PHF3: variants seen among roughly 807,000 people sequenced by gnomAD.
PHF3 encodes the protein PHD finger protein 3.
A neutral mutation model predicts 178.4 loss-of-function variants in PHF3; 41 were observed. That is an observed-to-expected ratio of 0.23 (90% CI 0.18 to 0.30). The LOEUF is 0.30. Among genes scored for constraint, PHF3 ranks in the 10% least tolerant of loss-of-function variants. The pLI, the probability that PHF3 is intolerant of heterozygous loss-of-function variation, is 1.00. For missense variants in PHF3, 2,346 were observed against 2,398.1 expected, an observed-to-expected ratio of 0.98 and a Z score of 0.45; for synonymous variants, 842 against 800.5, an observed-to-expected ratio of 1.05 and a Z score of -0.88.
intron 14 of PHF3, among the ~76,000 whole-genome samples, chr6:63,710,509 A>C (rs1767879450): frequency 6.6e-6 from 1 of 152,188 alleles, no homozygotes; most frequent in South Asian, 2.1e-4. Flanking sequence ...TCATGAAAAA[A>C]AACATTGTTG....
chr6:63,692,003 T>C lies in PHF3; in HGVS notation c.2456T>C (p.Ile819Thr), dbSNP rs757153886. The C allele has an allele frequency of 2.5e-6, 4 of 1,612,756 alleles. No individual in the cohort carries two copies. The highest frequency in any genetic ancestry group is 1.3e-5 in the African/African-American group (1 of 74,788). ...ACAACAAATGATAGAACCAAATATATAGATGATACAGTGAAGCACAAGGTC... is the reference window on the plus strand; with the variant it reads ...ACAACAAATGATAGAACCAAATATACAGATGATACAGTGAAGCACAAGGTC... ...KHTTNDRTKY[I>T]DDTVKHKVKI... The change falls in exon 5 of 16, where the codon ATA becomes ACA. Residue 819 changes from isoleucine to threonine, a missense_variant. Around this residue, in one of 8 missense-constraint regions of PHF3, gnomAD observed 252 missense variants for 232.0 expected, o/e 1.09. Transcript: ENST00000262043.
chr6:63,709,913 A>T (rs1041529964), intron 14 of PHF3, among the ~76,000 whole-genome samples: 13 of 152,018 alleles, frequency 8.6e-5, no homozygotes, highest in Non-Finnish European at 4.4e-5. Flanking sequence ...TTCTCTCTAC[A>T]TTTTCTTTTC....
At chr6:63,661,241 T>G (rs1765453799) in intron 2 of PHF3, among the ~76,000 whole-genome samples, 1 of 152,184 alleles carries the variant, frequency 6.6e-6, no homozygotes, top group Non-Finnish European at 1.5e-5. Context: ...ATGTATGTTA[T>G]TCATACCGGC....
At chr6:63,693,096 G>A (rs781303248) in intron 5 of PHF3, among the ~76,000 whole-genome samples, 14 of 152,076 alleles carry the variant, frequency 9.2e-5, no homozygotes, top group African/African-American at 2.2e-4. Flanking sequence ...CTTCTGATAC[G>A]TGTTATTACT....
chr6:63,706,631 G>A, intron 12 of PHF3, 98 bp from the exon 13 acceptor site: 1 of 944,108 alleles, frequency 1.1e-6, no homozygotes, highest in Non-Finnish European at 1.6e-6. Context: ...CTCATATTTT[G>A]GCCTTCTTCA....
rs116113765 is a variant in PHF3, at chr6:63,680,295, T to C, written c.406+134T>C. On this transcript the variant is annotated intron_variant, in intron 3 of 15. Transcript: ENST00000262043. ...CATTCGTTTTGATGGCAATCAGTTT[T>C]GAGATCATATCAATTTGTTGTATAA... 1,757 of 704,994 alleles carry C rather than the reference T, an allele frequency of 2.5e-3. 29 individuals are homozygous for C. In the African/African-American group the frequency reaches 0.03, roughly 12 times the overall value. The allele number at this position is 704,994 out of a possible 1,614,324, so 43.7% of individuals were successfully genotyped here. A position where few individuals can be genotyped will look rare whatever the true frequency, so the allele number is the denominator to read the frequency against.
At chr6:63,686,851 G>A (rs1250271300) in intron 4 of PHF3, among the ~76,000 whole-genome samples, 4 of 152,194 alleles carry the variant, frequency 2.6e-5, no homozygotes, top group Non-Finnish European at 5.9e-5. Flanking sequence ...AAGCTCTTTA[G>A]GGAGGGACAA....
chr6:63,682,600 A>G (rs1204874102), intron 3 of PHF3, among the ~76,000 whole-genome samples: 1 of 152,134 alleles, frequency 6.6e-6, no homozygotes, highest in African/African-American at 2.4e-5. Flanking sequence ...TACATTTTCA[A>G]AATCAGTTAT....
In PHF3 at chr6:63,685,711, G is replaced by A; in HGVS notation, c.1989G>A (p.Leu663=). ...TTAAGGAAGAGGATAAACTGAAACT[G>A]AAAAAACCTGAGAAGAACCTACAAC... ...EHFKEEDKLK[L]KKPEKNLQPR... is the part of the protein sequence containing the mutation. Residue 663 remains leucine (L), a synonymous_variant, in exon 4 of 16, where the codon CTG becomes CTA. Coordinates refer to ENST00000262043, the MANE Select transcript of PHF3 (RefSeq NM_001370348.2). The A allele has an allele frequency of 6.2e-7, 1 of 1,614,012 alleles. No homozygotes were observed.
At chr6:63,647,977 A>G (rs1582000277) in intron 2 of PHF3, among the ~76,000 whole-genome samples, 3 of 152,044 alleles carry the variant, frequency 2.0e-5, no homozygotes, top group South Asian at 4.1e-4. Flanking sequence ...AACATTTTCT[A>G]TGTATATTTT....
Position 63,720,709 on chromosome 6 carries a change from A to C in PHF3, c.*7001A>C. 1 of 1,548,758 alleles carries C rather than the reference A, an allele frequency of 6.5e-7. No homozygotes were observed. Among genetic ancestry groups the C allele is most frequent in the Non-Finnish European group, 8.7e-7 (1 of 1,145,862 alleles). ...ACAACATCTTTAATTTTGCCAACAAAATTGGTTTTAAAAATCTCTTGAGTA... is the reference window on the plus strand; with the variant it reads ...ACAACATCTTTAATTTTGCCAACAACATTGGTTTTAAAAATCTCTTGAGTA... On this transcript the variant is annotated 3_prime_UTR_variant, in exon 16 of 16. Transcript: ENST00000262043.
At position 63,718,352 on chromosome 6, in the gene PHF3, ACT is replaced by A. The variant is rs535592810; in HGVS notation, c.*4647_*4648del. The stretch of plus-strand genomic sequence containing the variant: ...AACTTTTGTTTTCAAGACCCCTTAC[ACT>A]CTTAAAAATTGAGAATGTCAAAGCT... On this transcript the variant is annotated 3_prime_UTR_variant, in exon 16 of 16. Coordinates refer to ENST00000262043, the MANE Select transcript of PHF3 (RefSeq NM_001370348.2). Among the ~76,000 whole-genome samples, 52 of 152,024 alleles carry A rather than the reference ACT, an allele frequency of 3.4e-4. No homozygotes were observed. The South Asian group carries it at 5.8e-3, about 17-fold the overall frequency.
chr6:63,721,701 G>A lies in PHF3; in HGVS notation c.*7993G>A. ...TATATGCCAAGTACTTCCGTTTATA[G>A]TTACTTTTTGGAGAGTTTCTAGAAT... is the stretch of plus-strand genomic sequence containing the variant. On this transcript the variant is annotated 3_prime_UTR_variant, in exon 16 of 16. Transcript: ENST00000262043. 6.4e-7 allele frequency: 1 copy of A among 1,551,282 alleles called. No homozygotes were observed. The highest frequency in any genetic ancestry group is 8.7e-7 in the Non-Finnish European group (1 of 1,146,674).
At chr6:63,636,211 T>G (rs1474198800) in intron 1 of PHF3, 61 bp downstream of exon 1, 3 of 350,972 alleles carry the variant, frequency 8.5e-6, no homozygotes, top group Admixed American at 4.7e-5. Flanking sequence ...CCCATCCCCT[T>G]CCACACGCAC....
intron 14 of PHF3, 133 bp downstream of exon 14, chr6:63,709,373 C>T (rs1301735357): frequency 3.1e-6 from 2 of 648,284 alleles, no homozygotes; most frequent in African/African-American, 1.9e-5. Flanking sequence ...TGTAATATAC[C>T]TCACAAAACT....
Position 63,714,737 on chromosome 6 carries a change from A to G in PHF3, c.*1029A>G, listed in dbSNP as rs1174688207. 7 of 152,092 alleles carry G rather than the reference A, an allele frequency of 4.6e-5. No individual in the cohort carries two copies. The highest frequency in any genetic ancestry group is 1.0e-4 in the Non-Finnish European group (7 of 67,968). 9.4% of individuals were successfully genotyped at this position (152,092 alleles called of 1,614,324 possible). A position where few individuals can be genotyped will look rare whatever the true frequency, so the allele number is the denominator to read the frequency against. The stretch of plus-strand genomic sequence containing the variant: ...TTTCTGAAAACTTTTACACCATCGC[A>G]ATTTGGTACTCTGACTCACTAATCA... On this transcript the variant is annotated 3_prime_UTR_variant, in exon 16 of 16. Transcript: ENST00000262043.
In PHF3 at chr6:63,721,639, C is replaced by G; in HGVS notation, c.*7931C>G. The stretch of plus-strand genomic sequence containing the variant: ...TCTGTTACATTTATCCCATCTAGAT[C>G]CAGGTAGCCTTCTGCACCAACTCTT... On this transcript the variant is annotated 3_prime_UTR_variant, in exon 16 of 16. Transcript: ENST00000262043. 6.4e-7 allele frequency: 1 copy of G among 1,551,294 alleles called. No homozygotes were observed. Among genetic ancestry groups the G allele is most frequent in the Non-Finnish European group, 8.7e-7 (1 of 1,146,626 alleles).
In PHF3 at chr6:63,715,849, G is replaced by A. The variant is rs1768173064; in HGVS notation, c.*2141G>A. On this transcript the variant is annotated 3_prime_UTR_variant, in exon 16 of 16. Coordinates refer to ENST00000262043, the MANE Select transcript of PHF3 (RefSeq NM_001370348.2). ...TGAGCAGATTTTTCAATGAGTAGTA[G>A]ATCCAAAGCCATTCTCAGTCCCAGG... Among the ~76,000 whole-genome samples the A allele has an allele frequency of 6.6e-6, 1 of 152,104 alleles. No homozygotes were observed. Among genetic ancestry groups the A allele is most frequent in the South Asian group, 2.1e-4 (1 of 4,828 alleles).
chr6:63,690,229 T>C (rs1766936644), intron 4 of PHF3, among the ~76,000 whole-genome samples: 1 of 152,118 alleles, frequency 6.6e-6, no homozygotes, highest in South Asian at 2.1e-4. Context: ...CAACCCCAAA[T>C]ATTCTATATT....
Sources: allele counts gnomAD v4.1 joint callset (sites outside exome capture counted in the v4.1 genomes callset), GRCh38; gene constraint gnomAD v4.1.1; regional missense constraint gnomAD v4.1.1; transcripts MANE v1.5; gene names NCBI Gene and HGNC (gene_info 2026-07-23, HGNC 2026-07-21).